MTMR7: variants seen among roughly 807,000 people sequenced by gnomAD.
The protein encoded by MTMR7 is myotubularin related protein 7.
Under a neutral mutation model 81.2 loss-of-function variants are expected in MTMR7, and 76 were observed. That is an observed-to-expected ratio of 0.94 (90% CI 0.78 to 1.13). The LOEUF (loss-of-function observed/expected upper bound fraction) is 1.13. Among genes scored for constraint, MTMR7 ranks in the 50% most tolerant of loss-of-function variants. The pLI is 0.00. For synonymous variants in MTMR7, 372 were observed against 289.8 expected (o/e 1.28, Z -2.88); for missense variants, 1,044 against 820.0 (o/e 1.27, Z -3.34).
chr8:17,337,363 A>G (rs11991904), intron 6 of MTMR7, among the ~76,000 whole-genome samples: 1 of 64,718 alleles, frequency 1.5e-5, no homozygotes, highest in Non-Finnish European at 3.3e-5. Flanking sequence ...ACTCCGTCCC[A>G]AAAAAAAAAA....
intron 11 of MTMR7, among the ~76,000 whole-genome samples, chr8:17,304,991 G>A (rs1423637645): frequency 6.6e-6 from 1 of 152,112 alleles, no homozygotes; most frequent in Non-Finnish European, 1.5e-5. Flanking sequence ...TCAGACCCAA[G>A]CAGATACTGT....
chr8:17,406,558 C>T (rs1821587702), intron 1 of MTMR7, among the ~76,000 whole-genome samples: 1 of 152,162 alleles, frequency 6.6e-6, no homozygotes, highest in African/African-American at 2.4e-5. Flanking sequence ...AGTGCAGCCA[C>T]TTTGGAAAAC....
chr8:17,307,902 G>A (rs1308338619), intron 10 of MTMR7, among the ~76,000 whole-genome samples: 1 of 151,590 alleles, frequency 6.6e-6, no homozygotes, highest in Non-Finnish European at 1.5e-5. Context: ...TGGCGGGAGG[G>A]GGGAGGGATA....
At chr8:17,389,515 G>C (rs1821041792) in intron 1 of MTMR7, among the ~76,000 whole-genome samples, 1 of 152,196 alleles carries the variant, frequency 6.6e-6, no homozygotes, top group Non-Finnish European at 1.5e-5. Context: ...GATCCTTGAA[G>C]ATTGGCACTA....
intron 7 of MTMR7, among the ~76,000 whole-genome samples, chr8:17,317,513 TGCCTG>T (rs144845814): frequency 0.013 from 2,034 of 152,284 alleles, 47 homozygotes; most frequent in African/African-American, 0.047. Context: ...CTTCCAGCTT[TGCCTG>T]GTACTCCTGA....
intron 3 of MTMR7, 109 bp downstream of exon 3, chr8:17,370,928 A>G: frequency 8.8e-7 from 1 of 1,136,356 alleles, no homozygotes; most frequent in Non-Finnish European, 1.3e-6. Context: ...CGAGACTGAC[A>G]CATAATCCCT....
At chr8:17,325,503 A>C (rs1818635754) in intron 7 of MTMR7, among the ~76,000 whole-genome samples, 1 of 152,126 alleles carries the variant, frequency 6.6e-6, no homozygotes. Context: ...GCCTGCTAAA[A>C]AGATTCCAGT....
At chr8:17,334,659 G>T (rs528409417) in intron 6 of MTMR7, among the ~76,000 whole-genome samples, 5 of 152,336 alleles carry the variant, frequency 3.3e-5, no homozygotes, top group Admixed American at 2.6e-4. Context: ...CAGGCGTTAA[G>T]TGGAATCAAA....
In MTMR7 at chr8:17,299,973, C is replaced by G. The variant is rs1288896438; in HGVS notation, c.1872G>C (p.Glu624Asp). The change falls in exon 14 of 14, where the codon GAG (glutamate) becomes GAC (aspartate). Residue 624 changes from glutamate (E) to aspartate (D), a missense_variant. Transcript: ENST00000180173. ...GACAGCTCAAATCCTCCACCCCGGA[C>G]TCTTGGTCACTGTTGGCTGACAGAT... ...DPDLSANSDQ[E>D]SGVEDLSCRS... is the part of the protein sequence containing the mutation. The G allele has an allele frequency of 6.2e-7, 1 of 1,614,138 alleles. No homozygotes were observed. Among genetic ancestry groups the G allele is most frequent in the Non-Finnish European group, 8.5e-7 (1 of 1,180,002 alleles).
At chr8:17,394,255 T>C (rs570560488) in intron 1 of MTMR7, among the ~76,000 whole-genome samples, 4 of 152,358 alleles carry the variant, frequency 2.6e-5, no homozygotes, top group South Asian at 4.1e-4. Flanking sequence ...TAAATGTTCA[T>C]AGCAGCACTA....
intron 1 of MTMR7, among the ~76,000 whole-genome samples, chr8:17,377,073 A>G (rs954435766): frequency 6.6e-6 from 1 of 151,782 alleles, no homozygotes. Flanking sequence ...TTGCATCTAT[A>G]CTTTTAAGAG....
At chr8:17,339,949 ATTTTTTG>A (rs1348359666) in intron 6 of MTMR7, among the ~76,000 whole-genome samples, 2 of 152,084 alleles carry the variant, frequency 1.3e-5, no homozygotes, top group Admixed American at 6.5e-5. Flanking sequence ...CATTCTCTCA[ATTTTTTG>A]TTTTTTGTTT....
At chr8:17,358,417 G>C (rs993920957) in intron 4 of MTMR7, among the ~76,000 whole-genome samples, 11 of 152,096 alleles carry the variant, frequency 7.2e-5, no homozygotes, top group African/African-American at 2.7e-4. Context: ...AACATGTTAG[G>C]ACTTAAGGAG....
At chr8:17,378,717 A>AT (rs1223742373) in intron 1 of MTMR7, among the ~76,000 whole-genome samples, 1 of 152,226 alleles carries the variant, frequency 6.6e-6, no homozygotes, top group African/African-American at 2.4e-5. Flanking sequence ...TTGGATGTAC[A>AT]TTTTTTACAT....
At chr8:17,327,045 A>G (rs1366311306) in intron 7 of MTMR7, among the ~76,000 whole-genome samples, 4 of 152,236 alleles carry the variant, frequency 2.6e-5, no homozygotes, top group South Asian at 4.1e-4. Flanking sequence ...TGTATAGTGA[A>G]TAAGAATATG....
At chr8:17,400,177 A>G (rs959571697) in intron 1 of MTMR7, among the ~76,000 whole-genome samples, 1 of 152,184 alleles carries the variant, frequency 6.6e-6, no homozygotes, top group Non-Finnish European at 1.5e-5. Context: ...AGAGCAATAC[A>G]ACAATAGTAC....
chr8:17,359,015 T>G (rs922502127), intron 4 of MTMR7, among the ~76,000 whole-genome samples: 1 of 152,058 alleles, frequency 6.6e-6, no homozygotes, highest in Non-Finnish European at 1.5e-5. Context: ...AGCCTCGACC[T>G]CCCAAGCAGC....
chr8:17,339,949 AT>A (rs975168668), intron 6 of MTMR7, among the ~76,000 whole-genome samples: 1 of 152,084 alleles, frequency 6.6e-6, no homozygotes, highest in Admixed American at 6.5e-5. Flanking sequence ...CATTCTCTCA[AT>A]TTTTTGTTTT....
chr8:17,332,216 C>T (rs989995255), intron 6 of MTMR7, among the ~76,000 whole-genome samples: 5 of 139,898 alleles, frequency 3.6e-5, no homozygotes, highest in African/African-American at 1.3e-4. Flanking sequence ...TGAGAACTCA[C>T]CACCAGAAAA....
Sources: gnomAD v4.1 joint callset for allele counts (sites outside exome capture counted in the v4.1 genomes callset) on GRCh38, gnomAD v4.1.1 for gene constraint, MANE v1.5 for transcripts, NCBI Gene and HGNC (gene_info 2026-07-23, HGNC 2026-07-21) for gene names.